The following WNT3A variants were observed in gnomAD, a reference collection of about 807,000 sequenced individuals.
WNT3A encodes Wnt family member 3A, also known as protein Wnt-3a.
A neutral mutation model predicts 37.0 loss-of-function variants in WNT3A; 17 were observed. The observed-to-expected ratio is 0.46, with a 90% CI of 0.31 to 0.69. WNT3A has a LOEUF of 0.69. Among genes scored for constraint, WNT3A ranks in the 30% least tolerant of loss-of-function variants. The pLI, the probability that WNT3A is intolerant of heterozygous loss-of-function variation, is 0.05. For missense variants in WNT3A, 411 were observed against 510.2 expected (o/e 0.81, Z 1.87); for synonymous variants, 187 against 211.0 (o/e 0.89, Z 0.99).
At chr1:228,010,301 C>T (rs1037907417) in intron 1 of WNT3A, among the ~76,000 whole-genome samples, 3 of 152,206 alleles carry the variant, frequency 2.0e-5, no homozygotes, top group African/African-American at 7.2e-5. Flanking sequence ...CCAGGGACCC[C>T]ACCAGGACCC....
At chr1:228,010,411 C>G (rs1383836282) in intron 1 of WNT3A, among the ~76,000 whole-genome samples, 2 of 152,216 alleles carry the variant, frequency 1.3e-5, no homozygotes, top group Non-Finnish European at 2.9e-5. Context: ...CCCTCTGCTG[C>G]CTTTACCAGA....
At chr1:228,041,583 T>C (rs979377753) in intron 2 of WNT3A, among the ~76,000 whole-genome samples, 1 of 151,966 alleles carries the variant, frequency 6.6e-6, no homozygotes, top group African/African-American at 2.4e-5. Flanking sequence ...CATCCATCTA[T>C]CCACCATCCC....
chr1:228,023,119 C>T (rs1271206579), intron 2 of WNT3A, among the ~76,000 whole-genome samples: 2 of 152,228 alleles, frequency 1.3e-5, no homozygotes, highest in South Asian at 4.1e-4. Flanking sequence ...TCCTCCTGCT[C>T]CCTGGAGAGG....
At chr1:228,032,228 C>T (rs1273550832) in intron 2 of WNT3A, among the ~76,000 whole-genome samples, 1 of 152,228 alleles carries the variant, frequency 6.6e-6, no homozygotes, top group Non-Finnish European at 1.5e-5. Context: ...AAGCTAGCCT[C>T]ATGAGTCACA....
At chr1:228,041,951 G>T (rs2031294186) in intron 2 of WNT3A, among the ~76,000 whole-genome samples, 1 of 152,114 alleles carries the variant, frequency 6.6e-6, no homozygotes, top group African/African-American at 2.4e-5. Flanking sequence ...GTTAGAAATT[G>T]TATCATATTG....
rs764693672 is a variant in WNT3A, at chr1:228,022,889, C to T, written c.294C>T (p.Phe98=). 34 of 1,610,572 alleles carry T rather than the reference C, an allele frequency of 2.1e-5. No homozygotes were observed. The highest frequency in any genetic ancestry group is 1.6e-4 in the African/African-American group (12 of 74,892). ...CTTVHDSLAI[F]GPVLDKATRE... ...CCGTCCACGACAGCCTGGCCATCTT[C>T]GGGCCCGTGCTGGACAAAGGTATGG... Residue 98 remains phenylalanine (F), a synonymous_variant, in exon 2 of 4, where the codon TTC becomes TTT. Coordinates refer to ENST00000284523, the MANE Select transcript of WNT3A (RefSeq NM_033131.4).
intron 3 of WNT3A, among the ~76,000 whole-genome samples, chr1:228,056,346 C>T (rs756566914): frequency 1.3e-5 from 2 of 152,034 alleles, no homozygotes; most frequent in South Asian, 2.1e-4. Context: ...GATGAAACTT[C>T]GAAAGATGAT....
In WNT3A at chr1:228,038,761, C is replaced by T. The variant is rs1256066826; in HGVS notation, c.314-11895C>T. On this transcript the variant is annotated intron_variant, in intron 2 of 3. Coordinates refer to ENST00000284523, the MANE Select transcript of WNT3A (RefSeq NM_033131.4). This position sits in a 1 kb window ranked among gnomAD's most constrained non-coding sequence, Gnocchi z 5.7. Reference sequence around the variant, plus strand: ...GCTGTGTTCGCTGTGACCCTCCATCCCCCAGGATGCCTGAAGGCCAGTCCC... The same window carrying T: ...GCTGTGTTCGCTGTGACCCTCCATCTCCCAGGATGCCTGAAGGCCAGTCCC... Among the ~76,000 whole-genome samples, 1 of 152,184 alleles carries T rather than the reference C, an allele frequency of 6.6e-6. No individual in the cohort carries two copies. The highest frequency in any genetic ancestry group is 2.4e-5 in the African/African-American group (1 of 41,426).
intron 3 of WNT3A, among the ~76,000 whole-genome samples, chr1:228,052,058 T>G (rs1558295071): frequency 6.6e-6 from 1 of 152,116 alleles, no homozygotes; most frequent in Non-Finnish European, 1.5e-5. Flanking sequence ...CCAAACCGTA[T>G]CAGGCACGAA....
intron 1 of WNT3A, among the ~76,000 whole-genome samples, chr1:228,015,774 C>A: frequency 6.6e-6 from 1 of 151,602 alleles, no homozygotes; most frequent in East Asian, 1.9e-4. Context: ...AGCAAGGACC[C>A]TTCGTCCTTG....
At chr1:228,018,432 T>C (rs2030593336) in intron 1 of WNT3A, among the ~76,000 whole-genome samples, 1 of 151,246 alleles carries the variant, frequency 6.6e-6, no homozygotes, top group Non-Finnish European at 1.5e-5. Context: ...AGACAGGGTC[T>C]CACTCTGTCA....
At chr1:228,035,024 T>C (rs1558289673) in intron 2 of WNT3A, among the ~76,000 whole-genome samples, 1 of 152,066 alleles carries the variant, frequency 6.6e-6, no homozygotes, top group Non-Finnish European at 1.5e-5. Context: ...GTCGGTCCCC[T>C]GGGAAAGCAC....
rs558647682 is a variant in WNT3A at position 228,007,964 on chromosome 1, C to T, written c.71+765C>T. On this transcript the variant is annotated intron_variant, in intron 1 of 3. Transcript: ENST00000284523. The surrounding 1 kb of genome is among the most constrained non-coding windows in gnomAD (Gnocchi z 6.0). The stretch of plus-strand genomic sequence containing the variant: ...CCCTCCACACCAGAAAAGGCGCGTT[C>T]CGTGAGACCCTCCCCAGCCTGGCGA... Among the ~76,000 whole-genome samples, 10 of 152,334 alleles carry T rather than the reference C, an allele frequency of 6.6e-5. No homozygotes were observed. The East Asian group carries it at 1.4e-3, about 21-fold the overall frequency.
intron 2 of WNT3A, among the ~76,000 whole-genome samples, chr1:228,026,340 T>C (rs113475256): frequency 2.0e-5 from 3 of 152,322 alleles, no homozygotes; most frequent in East Asian, 3.9e-4. Context: ...CAGTGCTATG[T>C]TGAACAGAAA....
chr1:228,031,190 C>A lies in WNT3A; in HGVS notation c.313+8282C>A, dbSNP rs1400144426. 1.3e-5 allele frequency among the ~76,000 whole-genome samples: 2 copies of A among 152,196 alleles called. No homozygotes were observed. Among genetic ancestry groups the A allele is most frequent in the African/African-American group, 2.4e-5 (1 of 41,456 alleles). ...TCAGGCTCAGAGTCCGGGCACTGGTCACTGTGGGTCTGGGATGAGGAGGAC... is the reference window on the plus strand; with the variant it reads ...TCAGGCTCAGAGTCCGGGCACTGGTAACTGTGGGTCTGGGATGAGGAGGAC... On this transcript the variant is annotated intron_variant, in intron 2 of 3. Transcript: ENST00000284523. The surrounding 1 kb of genome is among the most constrained non-coding windows in gnomAD (Gnocchi z 4.8).
chr1:228,031,986 G>C lies in WNT3A; in HGVS notation c.313+9078G>C, dbSNP rs1196175819. 1.3e-5 allele frequency among the ~76,000 whole-genome samples: 2 copies of C among 152,204 alleles called. No individual in the cohort carries two copies. Among genetic ancestry groups the C allele is most frequent in the African/African-American group, 2.4e-5 (1 of 41,450 alleles). On this transcript the variant is annotated intron_variant, in intron 2 of 3. Transcript: ENST00000284523. The surrounding 1 kb of genome is among the most constrained non-coding windows in gnomAD (Gnocchi z 4.8). Reference sequence around the variant, plus strand: ...CTGCTTGGAGCCATACCAGGTGATGGAGGAAGGCTGTGCTGCATGGGGTCA... The same window carrying C: ...CTGCTTGGAGCCATACCAGGTGATGCAGGAAGGCTGTGCTGCATGGGGTCA...
At chr1:228,029,773 C>T (rs1198059706) in intron 2 of WNT3A, among the ~76,000 whole-genome samples, 2 of 150,400 alleles carry the variant, frequency 1.3e-5, no homozygotes. Flanking sequence ...GAAATCCTCA[C>T]CCACAGGTGA....
At chr1:228,018,803 G>A (rs2030606710) in intron 1 of WNT3A, among the ~76,000 whole-genome samples, 1 of 152,220 alleles carries the variant, frequency 6.6e-6, no homozygotes, top group Admixed American at 6.5e-5. Flanking sequence ...TGGCCCCACA[G>A]GAGCTCCCCG....
At chr1:228,012,226 C>T (rs2030393655) in intron 1 of WNT3A, among the ~76,000 whole-genome samples, 1 of 152,232 alleles carries the variant, frequency 6.6e-6, no homozygotes, top group Non-Finnish European at 1.5e-5. Context: ...TGTCCAGCAG[C>T]CCTCCCAAGA....
Sources: allele counts gnomAD v4.1 joint callset (sites outside exome capture counted in the v4.1 genomes callset), GRCh38; gene constraint gnomAD v4.1.1; non-coding constraint Gnocchi (gnomAD v3.1); transcripts MANE v1.5; gene names NCBI Gene and HGNC (gene_info 2026-07-23, HGNC 2026-07-21).